KCNMB2: variants seen among roughly 807,000 people sequenced by gnomAD.
KCNMB2 encodes potassium calcium-activated channel subfamily M regulatory beta subunit 2, also known as calcium-activated potassium channel subunit beta-2.
In KCNMB2, 9 loss-of-function variants were observed where a neutral mutation model predicts 24.5. The ratio of observed to expected loss-of-function variants is 0.37; its 90% confidence interval spans 0.22 to 0.64. The LOEUF (loss-of-function observed/expected upper bound fraction) is 0.64, where lower values mean the gene tolerates loss of function less well. Among genes scored for constraint, KCNMB2 ranks in the 30% least tolerant of loss-of-function variants. The pLI is 0.63. For missense variants in KCNMB2, 226 were observed against 284.3 expected (o/e 0.79, Z 1.47); for synonymous variants, 109 against 104.4 (o/e 1.04, Z -0.27).
intron 1 of KCNMB2, among the ~76,000 whole-genome samples, chr3:178,673,140 C>T (rs1308329022): frequency 6.6e-6 from 1 of 152,060 alleles, no homozygotes; most frequent in East Asian, 1.9e-4. Flanking sequence ...ATTCTCTTGC[C>T]CCTCTTATAC....
chr3:178,713,046 T>C (rs1722505825), intron 1 of KCNMB2, among the ~76,000 whole-genome samples: 1 of 152,162 alleles, frequency 6.6e-6, no homozygotes, highest in Non-Finnish European at 1.5e-5. Context: ...CACATTTAGT[T>C]GGGAAAAGAG....
At chr3:178,612,563 C>G (rs1718518460) in intron 1 of KCNMB2, among the ~76,000 whole-genome samples, 1 of 152,020 alleles carries the variant, frequency 6.6e-6, no homozygotes, top group Admixed American at 6.6e-5. Flanking sequence ...GACTCCTGCT[C>G]TTTTTTGTTT....
chr3:178,807,196 TGTTTTCTTAAA>T, intron 1 of KCNMB2, 136 bp from the exon 2 acceptor site: 1 of 464,844 alleles, frequency 2.2e-6, no homozygotes, highest in Non-Finnish European at 3.8e-6. Context: ...CAGGCTCTAG[TGTTTTCTTAAA>T]AATTCCCAGT....
At chr3:178,756,208 A>G (rs972061675) in intron 1 of KCNMB2, among the ~76,000 whole-genome samples, 2 of 150,906 alleles carry the variant, frequency 1.3e-5, no homozygotes, top group Non-Finnish European at 3.0e-5. Context: ...GATTTTCCAC[A>G]TGTGTGTGTA....
In KCNMB2 at chr3:178,643,859, G is replaced by A. The variant is rs149680718; in HGVS notation, c.-68+107148G>A. ...CCAGTTCTCAGAGCTGTCTGAGAAC[G>A]CCAACTCTGTCTTCAATATCATCAT... On this transcript the variant is annotated intron_variant, in intron 1 of 4. Coordinates refer to ENST00000452583, the MANE Select transcript of KCNMB2 (RefSeq NM_181361.3). Among the ~76,000 whole-genome samples the A allele has an allele frequency of 2.7e-3, 404 of 152,222 alleles. 2 individuals are homozygous for A. Among genetic ancestry groups the A allele is most frequent in the Admixed American group, 0.016 (243 of 15,288 alleles).
intron 4 of KCNMB2, among the ~76,000 whole-genome samples, chr3:178,840,898 T>G (rs1022019612): frequency 6.6e-6 from 1 of 152,268 alleles, no homozygotes. Flanking sequence ...TTATGCCAAT[T>G]TCTGCAGGAA....
intron 1 of KCNMB2, among the ~76,000 whole-genome samples, chr3:178,565,673 C>G (rs1409088213): frequency 6.6e-6 from 1 of 152,202 alleles, no homozygotes; most frequent in African/African-American, 2.4e-5. Context: ...GCTAGGTACA[C>G]ATAGCTATCA....
At chr3:178,725,624 G>C (rs144798881) in intron 1 of KCNMB2, among the ~76,000 whole-genome samples, 346 of 151,984 alleles carry the variant, frequency 2.3e-3, no homozygotes, top group African/African-American at 8.0e-3. Flanking sequence ...TATTATTTCA[G>C]CTTTTCAACT....
chr3:178,659,257 C>A (rs1720445200), intron 1 of KCNMB2, among the ~76,000 whole-genome samples: 1 of 152,188 alleles, frequency 6.6e-6, no homozygotes, highest in Non-Finnish European at 1.5e-5. Flanking sequence ...GATTTCAAGC[C>A]AGAATGTTCT....
intron 1 of KCNMB2, among the ~76,000 whole-genome samples, chr3:178,715,369 T>G (rs919402957): frequency 1.3e-5 from 2 of 151,316 alleles, no homozygotes; most frequent in East Asian, 1.9e-4. Flanking sequence ...TTTTTGGTTT[T>G]TTTTTTTTTT....
At chr3:178,587,720 A>G (rs1717499748) in intron 1 of KCNMB2, among the ~76,000 whole-genome samples, 1 of 147,976 alleles carries the variant, frequency 6.8e-6, no homozygotes, top group Non-Finnish European at 1.5e-5. Context: ...TGCTGGGATT[A>G]CAGGCGTGAG....
chr3:178,750,389 A>G (rs1440102362), intron 1 of KCNMB2, among the ~76,000 whole-genome samples: 7 of 152,156 alleles, frequency 4.6e-5, no homozygotes, highest in Non-Finnish European at 2.9e-5. Context: ...CTACAAAAAA[A>G]AACAAAAACA....
intron 1 of KCNMB2, among the ~76,000 whole-genome samples, chr3:178,700,381 T>A (rs939866354): frequency 1.3e-5 from 2 of 152,224 alleles, no homozygotes; most frequent in Non-Finnish European, 2.9e-5. Context: ...AAAGTACACA[T>A]ATATTTTGGA....
At chr3:178,695,560 T>C (rs905984032) in intron 1 of KCNMB2, among the ~76,000 whole-genome samples, 1 of 152,140 alleles carries the variant, frequency 6.6e-6, no homozygotes, top group Non-Finnish European at 1.5e-5. Context: ...TCATCTCTCA[T>C]AAATTCAATG....
At chr3:178,666,733 T>C (rs1410010165) in intron 1 of KCNMB2, among the ~76,000 whole-genome samples, 1 of 152,202 alleles carries the variant, frequency 6.6e-6, no homozygotes, top group Non-Finnish European at 1.5e-5. Flanking sequence ...GAATAGCTCC[T>C]GCTCTCCAGC....
At chr3:178,810,783 G>A (rs1202625525) in intron 2 of KCNMB2, among the ~76,000 whole-genome samples, 1 of 151,966 alleles carries the variant, frequency 6.6e-6, no homozygotes, top group Non-Finnish European at 1.5e-5. Context: ...CGCCCAGGCT[G>A]GAGTGCAGTG....
intron 1 of KCNMB2, among the ~76,000 whole-genome samples, chr3:178,661,898 A>G (rs1292830065): frequency 6.6e-6 from 1 of 152,190 alleles, no homozygotes; most frequent in Admixed American, 6.6e-5. Flanking sequence ...TACTAGATCT[A>G]TAGTCCTCAC....
chr3:178,594,370 T>C (rs560880686), intron 1 of KCNMB2, among the ~76,000 whole-genome samples: 1 of 152,034 alleles, frequency 6.6e-6, no homozygotes, highest in African/African-American at 2.4e-5. Flanking sequence ...GAGCAAGAAA[T>C]TAGTGTGGAA....
At chr3:178,698,951 AT>A (rs1420616996) in intron 1 of KCNMB2, among the ~76,000 whole-genome samples, 1 of 152,208 alleles carries the variant, frequency 6.6e-6, no homozygotes, top group East Asian at 1.9e-4. Context: ...CCCCAACTTT[AT>A]TATCTGGCTC....
Sources: gnomAD v4.1 joint callset for allele counts (sites outside exome capture counted in the v4.1 genomes callset) on GRCh38, gnomAD v4.1.1 for gene constraint, MANE v1.5 for transcripts, NCBI Gene and HGNC (gene_info 2026-07-23, HGNC 2026-07-21) for gene names.